CRHR2: variants seen among roughly 807,000 people sequenced by gnomAD.
CRHR2 encodes the protein corticotropin-releasing hormone receptor 2.
Under a neutral mutation model 57.9 loss-of-function variants are expected in CRHR2, and 53 were observed. That is an observed-to-expected ratio of 0.92 (90% confidence interval 0.73 to 1.15). The LOEUF (loss-of-function observed/expected upper bound fraction) is 1.15. Among genes scored for constraint, CRHR2 ranks in the 50% most tolerant of loss-of-function variants. CRHR2 has a pLI of 0.00. For synonymous variants in CRHR2, 213 were observed against 220.9 expected (o/e 0.96, Z 0.32); for missense variants, 532 against 542.6 (o/e 0.98, Z 0.19).
At position 30,665,582 on chromosome 7, in the gene CRHR2, A is replaced by G; in HGVS notation, c.373T>C (p.Cys125Arg). Reference protein sequence around the residue: ...IALVVNYLGHCVSVAALVAAF... With the variant: ...IALVVNYLGHRVSVAALVAAF... ...GCCACCAGGGCTGCCACAGATACGC[A>G]GTGGCCCAGGTAGTTGACGACAAGG... Residue 125 changes from cysteine (C) to arginine (R), a missense_variant, in exon 4 of 12, where the codon TGC becomes CGC. Transcript: ENST00000471646. The surrounding 1 kb of genome is among the most constrained non-coding windows in gnomAD (Gnocchi z 4.5). 1 of 1,564,752 alleles carries G rather than the reference A, an allele frequency of 6.4e-7. No individual in the cohort carries two copies. Among genetic ancestry groups the G allele is most frequent in the South Asian group, 1.2e-5 (1 of 85,004 alleles).
intron 1 of CRHR2, chr7:30,699,863 G>A (rs1354925853): frequency 8.5e-7 from 1 of 1,170,394 alleles, no homozygotes; most frequent in Non-Finnish European, 1.2e-6. Flanking sequence ...CAGGCCCTGA[G>A]ACCCCCGCCC....
chr7:30,686,439 T>C, upstream of CRHR2: 1 of 1,533,078 alleles, frequency 6.5e-7, no homozygotes, highest in Non-Finnish European at 8.7e-7. Context: ...AGGCCAAGGC[T>C]CTCTTCCCAT....
chr7:30,658,066 C>T (rs1035951458), intron 8 of CRHR2, among the ~76,000 whole-genome samples: 1 of 152,212 alleles, frequency 6.6e-6, no homozygotes, highest in Admixed American at 6.5e-5. Flanking sequence ...CCCCACTCAT[C>T]TCAGCTTGGG....
At chr7:30,669,805 C>A (rs1202720871) in intron 2 of CRHR2, among the ~76,000 whole-genome samples, 2 of 152,214 alleles carry the variant, frequency 1.3e-5, no homozygotes, top group African/African-American at 2.4e-5. Flanking sequence ...CAGGTCCCAG[C>A]CTAACTGTCC....
intron 1 of CRHR2, among the ~76,000 whole-genome samples, chr7:30,698,537 A>T (rs894398094): frequency 4.6e-5 from 7 of 152,178 alleles, no homozygotes; most frequent in Non-Finnish European, 1.0e-4. Flanking sequence ...AGAGGGGTGG[A>T]TGGTGAGCCC....
intron 2 of CRHR2, among the ~76,000 whole-genome samples, chr7:30,676,943 A>T (rs1412221441): frequency 1.3e-5 from 2 of 152,222 alleles, no homozygotes; most frequent in African/African-American, 4.8e-5. Context: ...GACCCCAGCC[A>T]TTCCCAGTAG....
chr7:30,689,417 T>A, intron 1 of CRHR2: 1 of 753,342 alleles, frequency 1.3e-6, no homozygotes, highest in Non-Finnish European at 2.2e-6. Context: ...AGGAGGGAGA[T>A]GCCCATGGCC....
At chr7:30,689,069 G>A (rs1562810721) in intron 2 of CRHR2, 3 of 863,226 alleles carry the variant, frequency 3.5e-6, no homozygotes, top group East Asian at 5.4e-5. Flanking sequence ...ACCAGGACTG[G>A]AAACCAGCAC....
chr7:30,682,900 A>G (rs1260723349), upstream of CRHR2, among the ~76,000 whole-genome samples: 2 of 152,238 alleles, frequency 1.3e-5, no homozygotes, highest in African/African-American at 4.8e-5. Context: ...GCAGATCTGC[A>G]TCCTCCAAAA....
chr7:30,665,287 G>A lies in CRHR2; in HGVS notation c.426-100C>T. On this transcript the variant is annotated intron_variant, in intron 4 of 11. Coordinates refer to ENST00000471646, the MANE Select transcript of CRHR2 (RefSeq NM_001883.5). This position sits in a 1 kb window ranked among gnomAD's most constrained non-coding sequence, Gnocchi z 4.5. ...GAGACTCAGCCTGGGATGAGGGCAG[G>A]GCTGCACTAGGAGCCACTTCCCACC... The A allele has an allele frequency of 9.5e-7, 1 of 1,057,308 alleles. No homozygotes were observed. The highest frequency in any genetic ancestry group is 1.4e-6 in the Non-Finnish European group (1 of 696,106). 65.5% of individuals were successfully genotyped at this position (1,057,308 alleles called of 1,614,324 possible). A position where few individuals can be genotyped will look rare whatever the true frequency, so the allele number is the denominator to read the frequency against.
At chr7:30,688,936 C>G (rs907512310) in intron 2 of CRHR2, 25 of 600,628 alleles carry the variant, frequency 4.2e-5, no homozygotes, top group Non-Finnish European at 5.0e-5. Context: ...GCCCAGCTGA[C>G]TTCCATCGTG....
chr7:30,677,007 G>C (rs911700455), intron 2 of CRHR2, among the ~76,000 whole-genome samples: 2 of 152,194 alleles, frequency 1.3e-5, no homozygotes, highest in African/African-American at 4.8e-5. Context: ...GCTGCACTTA[G>C]TGGTTCCACA....
intron 3 of CRHR2, among the ~76,000 whole-genome samples, chr7:30,666,810 A>G (rs1050931720): frequency 1.3e-5 from 2 of 152,234 alleles, no homozygotes; most frequent in African/African-American, 4.8e-5. Flanking sequence ...AGCAGGACCC[A>G]GCTTCTCATG....
intron 2 of CRHR2, among the ~76,000 whole-genome samples, chr7:30,679,369 A>G (rs1784622756): frequency 1.3e-5 from 2 of 152,226 alleles, no homozygotes; most frequent in South Asian, 4.1e-4. Context: ...TAGGACTTTC[A>G]ATAAGTTACT....
chr7:30,657,260 C>T (rs958566603), intron 8 of CRHR2, among the ~76,000 whole-genome samples: 17 of 152,284 alleles, frequency 1.1e-4, no homozygotes, highest in African/African-American at 4.1e-4. Context: ...TCTGGATGCT[C>T]CCCACAAGCT....
chr7:30,654,666 G>A, intron 11 of CRHR2: 1 of 1,533,694 alleles, frequency 6.5e-7, no homozygotes, highest in South Asian at 1.2e-5. Context: ...GAATGTGCTG[G>A]TCTCTCTTCT....
chr7:30,690,031 G>A (rs769791728), intron 1 of CRHR2, among the ~76,000 whole-genome samples: 1 of 152,302 alleles, frequency 6.6e-6, no homozygotes, highest in Admixed American at 6.5e-5. Flanking sequence ...AGATAGAAAA[G>A]CACCCAGGAT....
Position 30,682,292 on chromosome 7 carries a change from G to A in CRHR2, c.-12C>T, listed in dbSNP as rs751333744. 27 of 1,553,188 alleles carry A rather than the reference G, an allele frequency of 1.7e-5. No individual in the cohort carries two copies. Among genetic ancestry groups the A allele is most frequent in the Non-Finnish European group, 2.3e-5 (27 of 1,157,400 alleles). ...AGTGCCGCGTCCATCGCGTCCCGCA[G>A]CCGCGTGCGGAGAGGGAGTGGGAGT... On this transcript the variant is annotated 5_prime_UTR_variant, in exon 1 of 12. Transcript: ENST00000471646.
At chr7:30,697,341 A>G (rs1785077912) in intron 1 of CRHR2, among the ~76,000 whole-genome samples, 1 of 152,198 alleles carries the variant, frequency 6.6e-6, no homozygotes, top group Non-Finnish European at 1.5e-5. Flanking sequence ...CTTAGTCAGC[A>G]GGGGCTGAGA....
Sources: allele counts gnomAD v4.1 joint callset (sites outside exome capture counted in the v4.1 genomes callset), GRCh38; gene constraint gnomAD v4.1.1; non-coding constraint Gnocchi (gnomAD v3.1); transcripts MANE v1.5; gene names NCBI Gene and HGNC (gene_info 2026-07-23, HGNC 2026-07-21).